The following ARHGEF37 variants were observed in gnomAD, a reference collection of about 807,000 sequenced individuals.
ARHGEF37 encodes Rho guanine nucleotide exchange factor (GEF) 37.
In ARHGEF37, 55 loss-of-function variants were observed where a neutral mutation model predicts 71.1. That is an observed-to-expected ratio of 0.77 (90% CI 0.62 to 0.97). ARHGEF37 has a LOEUF of 0.97. Ranked by LOEUF, ARHGEF37 falls within the 50% of genes least tolerant of loss-of-function variation. The probability of loss-of-function intolerance (pLI) is 0.00; values close to 1 mark genes in which losing one functional copy is unlikely to be tolerated. For missense variants in ARHGEF37, 765 were observed against 836.8 expected (o/e 0.91, Z 1.06); for synonymous variants, 327 against 350.6 (o/e 0.93, Z 0.75).
At chr5:149,553,591 TG>T (rs1484327831) in intron 1 of ARHGEF37, among the ~76,000 whole-genome samples, 1 of 152,228 alleles carries the variant, frequency 6.6e-6, no homozygotes, top group East Asian at 1.9e-4. Context: ...ATTTTGGTAT[TG>T]TGATAAAAAT....
intron 1 of ARHGEF37, among the ~76,000 whole-genome samples, chr5:149,575,879 T>C (rs770054125): frequency 2.1e-5 from 3 of 141,546 alleles, no homozygotes; most frequent in South Asian, 2.5e-4. Context: ...CCCCCTGCCG[T>C]CCCCCCCCTC....
At chr5:149,576,543 A>T (rs1763030979), upstream of ARHGEF37, among the ~76,000 whole-genome samples, 1 of 152,222 alleles carries the variant, frequency 6.6e-6, no homozygotes, top group Admixed American at 6.5e-5. Context: ...AGGCTACTAA[A>T]TTTGTCTGTT....
chr5:149,612,228 C>T (rs1029833968), intron 4 of ARHGEF37, among the ~76,000 whole-genome samples: 2 of 152,060 alleles, frequency 1.3e-5, no homozygotes, highest in African/African-American at 2.4e-5. Flanking sequence ...AGTGCAGTGG[C>T]GCGATCTCGG....
At chr5:149,631,943 C>A in intron 12 of ARHGEF37, 39 bp from the exon 13 acceptor site, 1 of 1,604,294 alleles carries the variant, frequency 6.2e-7, no homozygotes, top group South Asian at 1.1e-5. Flanking sequence ...TCTACCTTCT[C>A]ACCCTGACCA....
intron 1 of ARHGEF37, among the ~76,000 whole-genome samples, chr5:149,588,407 G>C (rs1262379224): frequency 6.6e-6 from 1 of 151,880 alleles, no homozygotes; most frequent in Non-Finnish European, 1.5e-5. Context: ...AGCAATTTTT[G>C]TGTCTCAGCC....
chr5:149,562,123 A>C (rs188995413), intron 1 of ARHGEF37, among the ~76,000 whole-genome samples: 1 of 152,292 alleles, frequency 6.6e-6, no homozygotes, highest in East Asian at 1.9e-4. Context: ...AAAATGAACT[A>C]ACTGCTCCAT....
At chr5:149,623,963 C>G in intron 9 of ARHGEF37, 49 bp from the exon 10 acceptor site, 1 of 1,546,700 alleles carries the variant, frequency 6.5e-7, no homozygotes, top group Non-Finnish European at 8.8e-7. Context: ...CCAGGGATCT[C>G]ATTGTCCCCT....
At chr5:149,588,804 C>G (rs1440940388) in intron 1 of ARHGEF37, among the ~76,000 whole-genome samples, 4 of 152,116 alleles carry the variant, frequency 2.6e-5, no homozygotes, top group Non-Finnish European at 5.9e-5. Context: ...CCTTTAAAGC[C>G]TTGGGCAGCT....
chr5:149,615,099 G>A (rs564334962), intron 4 of ARHGEF37, among the ~76,000 whole-genome samples: 2 of 152,270 alleles, frequency 1.3e-5, no homozygotes, highest in African/African-American at 4.8e-5. Context: ...AGTCATCCAT[G>A]CATCAGTGGT....
chr5:149,602,511 G>A (rs1009380250), intron 3 of ARHGEF37, among the ~76,000 whole-genome samples: 11 of 150,930 alleles, frequency 7.3e-5, no homozygotes, highest in Admixed American at 5.3e-4. Context: ...TTTTTGAGAC[G>A]GGATCTCACT....
At chr5:149,579,267 G>A (rs187185669), upstream of ARHGEF37, among the ~76,000 whole-genome samples, 5 of 152,306 alleles carry the variant, frequency 3.3e-5, no homozygotes, top group East Asian at 3.9e-4. Context: ...GAACTGAGGC[G>A]TTGAGCACTC....
intron 1 of ARHGEF37, among the ~76,000 whole-genome samples, chr5:149,563,632 G>A (rs754728082): frequency 2.6e-5 from 4 of 152,156 alleles, no homozygotes; most frequent in African/African-American, 9.7e-5. Flanking sequence ...CAAGCCAAAG[G>A]TGACTTTCTC....
intron 12 of ARHGEF37, 147 bp downstream of exon 12, chr5:149,629,113 A>G: frequency 2.7e-6 from 3 of 1,100,344 alleles, no homozygotes; most frequent in Non-Finnish European, 3.7e-6. Flanking sequence ...TGGCCATGCC[A>G]GTGTCCCAGC....
chr5:149,579,471 A>C (rs1763064893), upstream of ARHGEF37, among the ~76,000 whole-genome samples: 1 of 152,208 alleles, frequency 6.6e-6, no homozygotes, highest in Non-Finnish European at 1.5e-5. Flanking sequence ...CACCTCAATC[A>C]GTTTTTAACT....
chr5:149,621,124 G>A (rs1227609150), intron 8 of ARHGEF37, among the ~76,000 whole-genome samples: 1 of 152,140 alleles, frequency 6.6e-6, no homozygotes, highest in Non-Finnish European at 1.5e-5. Context: ...TCAGTGATAA[G>A]CTGGGATCTG....
chr5:149,566,046 A>G (rs1001168902), intron 1 of ARHGEF37, among the ~76,000 whole-genome samples: 2 of 150,844 alleles, frequency 1.3e-5, no homozygotes, highest in African/African-American at 2.4e-5. Context: ...ATGTTTCACC[A>G]TGTTAGTTAG....
chr5:149,596,427 C>G (rs1763546805), intron 1 of ARHGEF37, among the ~76,000 whole-genome samples: 1 of 152,172 alleles, frequency 6.6e-6, no homozygotes. Context: ...ACCTCAGCCT[C>G]CCGAGTAGCT....
intron 1 of ARHGEF37, among the ~76,000 whole-genome samples, chr5:149,555,424 C>A (rs1311765610): frequency 6.6e-6 from 1 of 151,944 alleles, no homozygotes; most frequent in Non-Finnish European, 1.5e-5. Flanking sequence ...CTGCCTCAAG[C>A]TTCCCCAGTA....
intron 10 of ARHGEF37, among the ~76,000 whole-genome samples, chr5:149,624,609 A>G (rs1752628315): frequency 6.7e-6 from 1 of 149,560 alleles, no homozygotes; most frequent in Non-Finnish European, 1.5e-5. Context: ...CCCTGTCTCT[A>G]CTAAAAATAC....
Sources: allele counts gnomAD v4.1 joint callset (sites outside exome capture counted in the v4.1 genomes callset), GRCh38; gene constraint gnomAD v4.1.1; transcripts MANE v1.5; gene names NCBI Gene and HGNC (gene_info 2026-07-23, HGNC 2026-07-21).